The following PPM1H variants were observed in gnomAD, a reference collection of about 807,000 sequenced individuals.
PPM1H encodes protein phosphatase 1H.
PPM1H carries 27 observed loss-of-function variants against 54.9 expected under a neutral mutation model. That is an observed-to-expected ratio of 0.49 (90% CI 0.36 to 0.68). The LOEUF is 0.68. Ranked by LOEUF, PPM1H falls within the 30% of genes least tolerant of loss-of-function variation. The pLI is 0.00. For synonymous variants in PPM1H, 305 were observed against 270.8 expected (o/e 1.13, Z -1.24); for missense variants, 596 against 667.8 (o/e 0.89, Z 1.19).
intron 9 of PPM1H, among the ~76,000 whole-genome samples, chr12:62,654,009 A>T (rs1194173503): frequency 1.3e-5 from 2 of 152,074 alleles, no homozygotes; most frequent in Non-Finnish European, 2.9e-5. Flanking sequence ...TGGGAGGTCA[A>T]GGCGGGTGGA....
chr12:62,651,877 A>G (rs1460746873), intron 9 of PPM1H, among the ~76,000 whole-genome samples: 1 of 152,086 alleles, frequency 6.6e-6, no homozygotes, highest in Non-Finnish European at 1.5e-5. Flanking sequence ...TTTATCCTTA[A>G]AAATCTCTGT....
chr12:62,923,889 A>C (rs1241169987), intron 1 of PPM1H, among the ~76,000 whole-genome samples: 4 of 152,236 alleles, frequency 2.6e-5, no homozygotes, highest in African/African-American at 9.6e-5. Context: ...GGGCAGGTTA[A>C]ATACATGGTT....
chr12:62,934,484 G>A lies in PPM1H; in HGVS notation c.245+8C>T, dbSNP rs550842743. 1.7e-5 allele frequency: 26 copies of A among 1,538,848 alleles called. No homozygotes were observed. The East Asian group carries it at 4.7e-4, about 28-fold the overall frequency. ...GAGCAGGGGCGCCGCCGGTGTCGCT[G>A]CACTCACTCTGCGTAGCCAGTGGCC... is the stretch of plus-strand genomic sequence containing the variant. On this transcript the variant is annotated splice_region_variant and intron_variant, in intron 1 of 9. Transcript: ENST00000228705. This position sits in a 1 kb window ranked among gnomAD's most constrained non-coding sequence, Gnocchi z 4.2.
chr12:62,739,619 C>T (rs908194399), intron 4 of PPM1H, among the ~76,000 whole-genome samples: 1 of 152,288 alleles, frequency 6.6e-6, no homozygotes, highest in Non-Finnish European at 1.5e-5. Context: ...GAAGAGCCAG[C>T]GATGCCCAAT....
At chr12:62,678,212 G>T (rs572080173) in intron 8 of PPM1H, among the ~76,000 whole-genome samples, 1 of 152,192 alleles carries the variant, frequency 6.6e-6, no homozygotes, top group Non-Finnish European at 1.5e-5. Flanking sequence ...CTCCCAAAGT[G>T]CTAGAATTAC....
chr12:62,881,469 G>A (rs1004369958), intron 1 of PPM1H, among the ~76,000 whole-genome samples: 1 of 152,082 alleles, frequency 6.6e-6, no homozygotes, highest in Non-Finnish European at 1.5e-5. Context: ...AAAAGAAAGA[G>A]AAAGAATGTT....
chr12:62,907,798 A>G (rs970551329), intron 1 of PPM1H, among the ~76,000 whole-genome samples: 7 of 152,156 alleles, frequency 4.6e-5, no homozygotes, highest in African/African-American at 1.7e-4. Context: ...CTTCAGTTTC[A>G]GATCTGGAAA....
chr12:62,706,382 A>G (rs2076174377), intron 6 of PPM1H, among the ~76,000 whole-genome samples: 1 of 152,208 alleles, frequency 6.6e-6, no homozygotes. Flanking sequence ...AAAGGGAGGA[A>G]TACCACACTC....
chr12:62,713,698 G>T (rs900069784), intron 6 of PPM1H, among the ~76,000 whole-genome samples: 1 of 152,174 alleles, frequency 6.6e-6, no homozygotes, highest in South Asian at 2.1e-4. Context: ...GCCAGGTTTG[G>T]TGGCTCATCC....
At chr12:62,754,365 T>C (rs1272789971) in intron 4 of PPM1H, among the ~76,000 whole-genome samples, 1 of 152,096 alleles carries the variant, frequency 6.6e-6, no homozygotes, top group Non-Finnish European at 1.5e-5. Context: ...CAGGAGTTCA[T>C]GACCAACCTG....
chr12:62,831,280 G>C (rs1032455576), intron 2 of PPM1H, among the ~76,000 whole-genome samples: 2 of 152,168 alleles, frequency 1.3e-5, no homozygotes, highest in African/African-American at 4.8e-5. Context: ...AGTCCATTCT[G>C]TGTCTCCTGA....
At chr12:62,845,795 T>C (rs961622521) in intron 1 of PPM1H, among the ~76,000 whole-genome samples, 9 of 152,220 alleles carry the variant, frequency 5.9e-5, no homozygotes, top group African/African-American at 1.9e-4. Context: ...GTAGAATATC[T>C]GCCTTTGCAT....
intron 1 of PPM1H, among the ~76,000 whole-genome samples, chr12:62,933,710 G>A (rs1872226189): frequency 6.6e-6 from 1 of 152,108 alleles, no homozygotes. Flanking sequence ...TGGGGGAAGG[G>A]CAATAAAATC....
chr12:62,777,877 A>G (rs1444757881), intron 4 of PPM1H, among the ~76,000 whole-genome samples: 1 of 152,204 alleles, frequency 6.6e-6, no homozygotes, highest in Non-Finnish European at 1.5e-5. Context: ...TCTATGATGA[A>G]CTTTCCAAAG....
intron 2 of PPM1H, among the ~76,000 whole-genome samples, chr12:62,810,250 T>C (rs1459645436): frequency 6.6e-6 from 1 of 152,174 alleles, no homozygotes; most frequent in Non-Finnish European, 1.5e-5. Context: ...CCTACCCTAC[T>C]CCAGGATTGG....
chr12:62,692,257 T>C (rs936561954), intron 7 of PPM1H, among the ~76,000 whole-genome samples: 1 of 152,132 alleles, frequency 6.6e-6, no homozygotes, highest in Non-Finnish European at 1.5e-5. Flanking sequence ...GGCTTTTAAA[T>C]AGGCCAACAG....
rs145842892 is a variant in PPM1H at position 62,884,920 on chromosome 12, G to T, written c.245+49572C>A. Among the ~76,000 whole-genome samples the T allele has an allele frequency of 8.0e-4, 122 of 152,230 alleles. 1 individual carries two copies. Among genetic ancestry groups the T allele is most frequent in the African/African-American group, 2.9e-3 (120 of 41,528 alleles). ...TCCTTGCAGCTGCAGTATTGAGGGT[G>T]TATTAGTCTATTTTCATGCTGCTGA... On this transcript the variant is annotated intron_variant, in intron 1 of 9. Transcript: ENST00000228705.
chr12:62,831,195 T>C (rs1317167575), intron 2 of PPM1H, among the ~76,000 whole-genome samples: 1 of 152,184 alleles, frequency 6.6e-6, no homozygotes, highest in African/African-American at 2.4e-5. Flanking sequence ...GATTCCTAGA[T>C]CTTTTAAAAT....
At chr12:62,896,129 C>G (rs1394312608) in intron 1 of PPM1H, among the ~76,000 whole-genome samples, 2 of 152,132 alleles carry the variant, frequency 1.3e-5, no homozygotes, top group South Asian at 4.1e-4. Context: ...GATGTGAATA[C>G]CGGCTAATTA....
Sources: gnomAD v4.1 joint callset for allele counts (sites outside exome capture counted in the v4.1 genomes callset) on GRCh38, gnomAD v4.1.1 for gene constraint, Gnocchi (gnomAD v3.1) non-coding constraint, MANE v1.5 for transcripts, NCBI Gene and HGNC (gene_info 2026-07-23, HGNC 2026-07-21) for gene names.